VPS8: variants seen among roughly 807,000 people sequenced by gnomAD.
VPS8 encodes vacuolar protein sorting-associated protein 8 homolog.
In VPS8, 129 loss-of-function variants were observed where a neutral mutation model predicts 216.4. The observed-to-expected ratio is 0.60, with a 90% CI of 0.52 to 0.69. VPS8 has a LOEUF of 0.69. Among genes scored for constraint, VPS8 ranks in the 30% least tolerant of loss-of-function variants. The pLI, the probability that VPS8 is intolerant of heterozygous loss-of-function variation, is 0.00. For synonymous variants in VPS8, 571 were observed against 565.4 expected (o/e 1.01, Z -0.14); for missense variants, 1,531 against 1,683.5 (o/e 0.91, Z 1.59).
intron 14 of VPS8, among the ~76,000 whole-genome samples, chr3:184,857,363 A>T (rs1240687434): frequency 1.3e-5 from 2 of 152,260 alleles, no homozygotes; most frequent in African/African-American, 4.8e-5. Context: ...AACACATTGA[A>T]ATATTCCTTA....
chr3:184,962,188 G>A (rs955746703), intron 37 of VPS8, among the ~76,000 whole-genome samples: 1 of 152,102 alleles, frequency 6.6e-6, no homozygotes, highest in African/African-American at 2.4e-5. Context: ...CATTTAGATT[G>A]TTTCCAATCT....
chr3:184,855,649 T>G, intron 13 of VPS8, 62 bp from the exon 14 acceptor site: 1 of 1,329,322 alleles, frequency 7.5e-7, no homozygotes, highest in South Asian at 1.2e-5. Context: ...TTAACCATAG[T>G]TTTCTCTTTG....
chr3:184,865,432 C>T (rs1331936215), intron 16 of VPS8, among the ~76,000 whole-genome samples: 1 of 152,164 alleles, frequency 6.6e-6, no homozygotes, highest in Non-Finnish European at 1.5e-5. Context: ...ACCCATTTCT[C>T]ATCAGACAGT....
intron 38 of VPS8, among the ~76,000 whole-genome samples, chr3:184,964,781 A>T (rs1036076878): frequency 2.0e-5 from 3 of 152,196 alleles, no homozygotes; most frequent in African/African-American, 7.2e-5. Context: ...GTACTATTTG[A>T]TGAGTTTTTG....
At chr3:184,861,654 A>G (rs77975515) in intron 15 of VPS8, among the ~76,000 whole-genome samples, 1 of 152,354 alleles carries the variant, frequency 6.6e-6, no homozygotes, top group East Asian at 1.9e-4. Flanking sequence ...GCAGAAGTGT[A>G]TGTGACCATT....
intron 21 of VPS8, among the ~76,000 whole-genome samples, chr3:184,875,181 C>G (rs1321119132): frequency 6.8e-6 from 1 of 146,340 alleles, no homozygotes; most frequent in East Asian, 2.1e-4. Context: ...TAAGACTGAT[C>G]TCTGTCACAG....
intron 1 of VPS8, chr3:184,817,064 T>G (rs1169445381): frequency 6.6e-6 from 1 of 152,004 alleles, no homozygotes; most frequent in Non-Finnish European, 1.5e-5. Context: ...ACATCTGAGA[T>G]TGTGGGATTT....
chr3:185,005,473 A>G (rs908812044), intron 45 of VPS8, among the ~76,000 whole-genome samples: 1 of 152,076 alleles, frequency 6.6e-6, no homozygotes, highest in Non-Finnish European at 1.5e-5. Context: ...CAGTATGGTC[A>G]TTTTCACAAT....
At chr3:184,871,321 T>C (rs1728315052) in intron 21 of VPS8, among the ~76,000 whole-genome samples, 1 of 152,134 alleles carries the variant, frequency 6.6e-6, no homozygotes, top group African/African-American at 2.4e-5. Context: ...TATGTATTTA[T>C]TATGCAGGTT....
At chr3:184,982,400 T>C (rs999368199) in intron 40 of VPS8, 166 bp from the exon 41 acceptor site, 20 of 574,448 alleles carry the variant, frequency 3.5e-5, no homozygotes, top group Middle Eastern at 9.3e-4. Context: ...TTTTTTTTTT[T>C]TGCCCCAAAT....
intron 47 of VPS8, among the ~76,000 whole-genome samples, 199 bp downstream of exon 47, chr3:185,048,758 AG>A (rs1237921242): frequency 1.3e-5 from 2 of 152,112 alleles, no homozygotes; most frequent in African/African-American, 2.4e-5. Flanking sequence ...GGAAGTAGAA[AG>A]CTGTCTGTCC....
chr3:184,895,794 C>T (rs932366680), intron 23 of VPS8, among the ~76,000 whole-genome samples: 16 of 148,750 alleles, frequency 1.1e-4, no homozygotes, highest in African/African-American at 4.0e-4. Flanking sequence ...CTACTGTGCC[C>T]AGCTAATTTT....
chr3:185,036,225 A>G (rs889344781), intron 46 of VPS8, among the ~76,000 whole-genome samples: 4 of 152,172 alleles, frequency 2.6e-5, no homozygotes, highest in Admixed American at 2.0e-4. Flanking sequence ...CTATCAAACT[A>G]CCGACATAAT....
At chr3:185,047,425 A>G (rs1466596680) in intron 46 of VPS8, among the ~76,000 whole-genome samples, 1 of 152,192 alleles carries the variant, frequency 6.6e-6, no homozygotes, top group Non-Finnish European at 1.5e-5. Flanking sequence ...TTATGCTGCT[A>G]GTAATTGCTA....
intron 45 of VPS8, among the ~76,000 whole-genome samples, chr3:185,007,878 T>G (rs1365597461): frequency 6.6e-6 from 1 of 152,214 alleles, no homozygotes; most frequent in African/African-American, 2.4e-5. Flanking sequence ...TATTAACCAT[T>G]GCACATTGCT....
intron 37 of VPS8, among the ~76,000 whole-genome samples, chr3:184,964,223 C>T (rs1369826413): frequency 1.3e-5 from 2 of 151,708 alleles, no homozygotes; most frequent in African/African-American, 2.4e-5. Flanking sequence ...ATACCTAATT[C>T]AGGTGTGTAA....
intron 37 of VPS8, among the ~76,000 whole-genome samples, chr3:184,959,887 G>A (rs1443407479): frequency 6.7e-6 from 1 of 149,652 alleles, no homozygotes; most frequent in African/African-American, 2.5e-5. Flanking sequence ...TGTGCACAAC[G>A]TGCAGGTTTG....
chr3:184,876,446 A>C (rs1729296491), intron 21 of VPS8, among the ~76,000 whole-genome samples: 1 of 152,084 alleles, frequency 6.6e-6, no homozygotes, highest in Non-Finnish European at 1.5e-5. Context: ...TCCCTTAAGC[A>C]CATTAAAGTT....
chr3:184,864,725 T>C (rs779382498), intron 16 of VPS8, among the ~76,000 whole-genome samples: 1 of 152,146 alleles, frequency 6.6e-6, no homozygotes, highest in African/African-American at 2.4e-5. Flanking sequence ...TCCAAATCAC[T>C]TATCTCCTAG....
Sources: allele counts gnomAD v4.1 joint callset (sites outside exome capture counted in the v4.1 genomes callset), GRCh38; gene constraint gnomAD v4.1.1; transcripts MANE v1.5; gene names NCBI Gene and HGNC (gene_info 2026-07-23, HGNC 2026-07-21).